Variants in CACNA2D3 observed in about 807,000 individuals in gnomAD.
CACNA2D3 encodes the protein voltage-dependent calcium channel subunit alpha-2/delta-3.
In CACNA2D3, 60 loss-of-function variants were observed where a neutral mutation model predicts 160.6. The ratio of observed to expected loss-of-function variants is 0.37; its 90% CI spans 0.30 to 0.46. The LOEUF (loss-of-function observed/expected upper bound fraction) is 0.46. Among genes scored for constraint, CACNA2D3 ranks in the 20% least tolerant of loss-of-function variants. The pLI is 1.00. For missense variants in CACNA2D3, 1,205 were observed against 1,365.0 expected (o/e 0.88, Z 1.85); for synonymous variants, 558 against 492.9 (o/e 1.13, Z -1.75).
chr3:54,757,480 C>A (rs573601910), intron 12 of CACNA2D3, among the ~76,000 whole-genome samples: 1 of 152,106 alleles, frequency 6.6e-6, no homozygotes, highest in South Asian at 2.1e-4. Context: ...TTTATGAGGC[C>A]GGAATGGTCA....
intron 10 of CACNA2D3, chr3:54,632,573 G>C (rs1013228812): frequency 6.6e-6 from 1 of 152,214 alleles, no homozygotes; most frequent in Admixed American, 6.5e-5. Flanking sequence ...CAGCTTCCCA[G>C]AGTTGGAAGG....
At chr3:54,411,612 T>C (rs1385782122) in intron 4 of CACNA2D3, among the ~76,000 whole-genome samples, 1 of 152,214 alleles carries the variant, frequency 6.6e-6, no homozygotes, top group Non-Finnish European at 1.5e-5. Context: ...TAATAGACTG[T>C]GGTATAGTAT....
At chr3:54,444,976 C>G (rs1700198139) in intron 4 of CACNA2D3, among the ~76,000 whole-genome samples, 1 of 152,246 alleles carries the variant, frequency 6.6e-6, no homozygotes, top group Non-Finnish European at 1.5e-5. Context: ...CTCCCAACCC[C>G]CTTAAACAGA....
At position 54,539,555 on chromosome 3, in the gene CACNA2D3, G is replaced by A. The variant is rs932173168; in HGVS notation, c.545-23245G>A. 5.3e-5 allele frequency among the ~76,000 whole-genome samples: 8 copies of A among 152,130 alleles called. No individual in the cohort carries two copies. The South Asian group carries it at 6.2e-4, about 12-fold the overall frequency. The stretch of plus-strand genomic sequence containing the variant: ...GAAGGTGTGCGTCTCTTTGCCTTCC[G>A]CTACTTTTGCTTTCCTGACCAAAGT... On this transcript the variant is annotated intron_variant, in intron 5 of 37. Coordinates refer to ENST00000474759, the MANE Select transcript of CACNA2D3 (RefSeq NM_018398.3).
chr3:54,715,912 G>A (rs1374145053), intron 11 of CACNA2D3, among the ~76,000 whole-genome samples: 1 of 152,180 alleles, frequency 6.6e-6, no homozygotes, highest in African/African-American at 2.4e-5. Flanking sequence ...TAGGGGAATT[G>A]AAGTCATGTT....
chr3:55,020,233 C>G (rs918941574), intron 35 of CACNA2D3, among the ~76,000 whole-genome samples: 1 of 150,632 alleles, frequency 6.6e-6, no homozygotes, highest in African/African-American at 2.4e-5. Context: ...TTATTCTTGA[C>G]TCTACTCTTG....
Position 54,678,720 on chromosome 3 carries a change from C to CAAAAAAAAAAAAAAAAAAAAAAAAAAA in CACNA2D3, c.1167+36482_1167+36508dup, listed in dbSNP as rs71096434. 4.4e-5 allele frequency among the ~76,000 whole-genome samples: 2 copies of CAAAAAAAAAAAAAAAAAAAAAAAAAAA among 45,918 alleles called. 1 individual carries two copies. Among genetic ancestry groups the CAAAAAAAAAAAAAAAAAAAAAAAAAAA allele is most frequent in the Non-Finnish European group, 7.1e-5 (2 of 28,278 alleles). The allele number at this position is 45,918 out of a possible 152,430, so 30.1% of individuals were successfully genotyped here. ...TGGGTGACAGAGTGAGACTCGGTCT[C>CAAAAAAAAAAAAAAAAAAAAAAAAAAA]AAAAAAAAAAAAAAAAAAAAAAAAA... On this transcript the variant is annotated intron_variant, in intron 11 of 37. Coordinates refer to ENST00000474759, the MANE Select transcript of CACNA2D3 (RefSeq NM_018398.3).
intron 4 of CACNA2D3, among the ~76,000 whole-genome samples, chr3:54,472,806 A>C (rs541597183): frequency 1.3e-5 from 2 of 152,320 alleles, no homozygotes; most frequent in South Asian, 4.1e-4. Flanking sequence ...AGAGAATAAA[A>C]CACCTAGGTA....
At chr3:54,247,914 C>G (rs915381272) in intron 2 of CACNA2D3, among the ~76,000 whole-genome samples, 2 of 152,086 alleles carry the variant, frequency 1.3e-5, no homozygotes, top group Admixed American at 6.5e-5. Context: ...GATGCTCAAA[C>G]TACTGACCAA....
chr3:54,857,487 G>C (rs962178333), intron 17 of CACNA2D3, among the ~76,000 whole-genome samples: 2 of 152,268 alleles, frequency 1.3e-5, no homozygotes, highest in African/African-American at 4.8e-5. Flanking sequence ...CTCAGGTGGG[G>C]TGTCTCTGAG....
chr3:54,294,663 C>T (rs569018265), intron 2 of CACNA2D3, among the ~76,000 whole-genome samples: 13 of 152,288 alleles, frequency 8.5e-5, no homozygotes, highest in African/African-American at 2.6e-4. Flanking sequence ...GTCATTTTAT[C>T]GATTTTCTGT....
At chr3:54,453,743 A>G (rs1025962746) in intron 4 of CACNA2D3, among the ~76,000 whole-genome samples, 15 of 152,268 alleles carry the variant, frequency 9.9e-5, no homozygotes, top group Middle Eastern at 3.4e-3. Context: ...GGTTGTCCCC[A>G]CCAGTTCCTC....
At chr3:54,880,421 T>G (rs566229982) in intron 20 of CACNA2D3, among the ~76,000 whole-genome samples, 33 of 152,286 alleles carry the variant, frequency 2.2e-4, no homozygotes, top group African/African-American at 7.9e-4. Context: ...TCCCAAAGTC[T>G]AGGGGCTGGA....
intron 4 of CACNA2D3, among the ~76,000 whole-genome samples, chr3:54,460,810 A>T (rs144917033): frequency 1.3e-5 from 2 of 152,054 alleles, no homozygotes; most frequent in Non-Finnish European, 2.9e-5. Flanking sequence ...TTCCAACACT[A>T]TGTTGAATAG....
chr3:54,446,470 A>G (rs1700223563), intron 4 of CACNA2D3, among the ~76,000 whole-genome samples: 1 of 152,216 alleles, frequency 6.6e-6, no homozygotes, highest in Admixed American at 6.5e-5. Context: ...GCTCCTTCCC[A>G]CACTATGCTG....
chr3:54,411,449 G>T (rs1699666729), intron 4 of CACNA2D3, among the ~76,000 whole-genome samples: 1 of 152,180 alleles, frequency 6.6e-6, no homozygotes, highest in Admixed American at 6.5e-5. Flanking sequence ...ACCCTGATCA[G>T]TCAGCAGCCA....
chr3:54,850,756 C>G (rs767080242), intron 17 of CACNA2D3, among the ~76,000 whole-genome samples: 1 of 152,206 alleles, frequency 6.6e-6, no homozygotes, highest in Non-Finnish European at 1.5e-5. Flanking sequence ...GGACTCATTT[C>G]CATGAAGCCT....
chr3:54,828,893 T>C (rs565504911), intron 14 of CACNA2D3, among the ~76,000 whole-genome samples: 1 of 152,348 alleles, frequency 6.6e-6, no homozygotes, highest in South Asian at 2.1e-4. Context: ...TTTGTAGCAT[T>C]CTCAAGATTT....
At chr3:54,746,397 C>A (rs1701753958) in intron 11 of CACNA2D3, among the ~76,000 whole-genome samples, 1 of 152,098 alleles carries the variant, frequency 6.6e-6, no homozygotes, top group South Asian at 2.1e-4. Context: ...TGTCAGGAGA[C>A]CCCTTTCTAA....
Sources: gnomAD v4.1 joint callset for allele counts (sites outside exome capture counted in the v4.1 genomes callset) on GRCh38, gnomAD v4.1.1 for gene constraint, MANE v1.5 for transcripts, NCBI Gene and HGNC (gene_info 2026-07-23, HGNC 2026-07-21) for gene names.